Variants in CTNNA3 observed in about 807,000 individuals in gnomAD.
CTNNA3 encodes catenin alpha-3.
CTNNA3 carries 76 observed loss-of-function variants against 95.7 expected under a neutral mutation model. The ratio of observed to expected loss-of-function variants is 0.79; its 90% CI spans 0.66 to 0.96. CTNNA3 has a LOEUF of 0.96. Among genes scored for constraint, CTNNA3 ranks in the 40% least tolerant of loss-of-function variants. CTNNA3 has a pLI of 0.00. For synonymous variants in CTNNA3, 431 were observed against 374.4 expected, an observed-to-expected ratio of 1.15 and a Z score of -1.74; for missense variants, 1,191 against 1,089.8, an observed-to-expected ratio of 1.09 and a Z score of -1.31.
At chr10:67,483,278 A>T (rs1848309228) in intron 5 of CTNNA3, among the ~76,000 whole-genome samples, 1 of 149,358 alleles carries the variant, frequency 6.7e-6, no homozygotes, top group African/African-American at 2.5e-5. Context: ...TATATACCCA[A>T]AGGATTATAA....
intron 7 of CTNNA3, among the ~76,000 whole-genome samples, chr10:66,780,623 A>G (rs901689626): frequency 6.6e-6 from 1 of 152,172 alleles, no homozygotes; most frequent in South Asian, 2.1e-4. Context: ...TTTCATTAGT[A>G]TTTGTCCTAT....
At position 67,361,758 on chromosome 10, in the gene CTNNA3, T is replaced by C. The variant is rs75671862; in HGVS notation, c.580-141888A>G. Among the ~76,000 whole-genome samples, 1,407 of 151,888 alleles carry C rather than the reference T, an allele frequency of 9.3e-3. 67 individuals carry two copies. The East Asian group carries it at 0.15, about 16-fold the overall frequency. On this transcript the variant is annotated intron_variant, in intron 5 of 17. Coordinates refer to ENST00000433211, the MANE Select transcript of CTNNA3 (RefSeq NM_013266.4). ...ACTAATTCAAAGCTAACAGAAAATA[T>C]AAATATCTAAAATCAGAGCAAAACT...
intron 16 of CTNNA3, among the ~76,000 whole-genome samples, chr10:65,971,377 G>C (rs995562422): frequency 3.5e-5 from 3 of 85,552 alleles, no homozygotes; most frequent in Non-Finnish European, 5.1e-5. Context: ...GACCAAAGTT[G>C]TGTTTTTTTT....
At chr10:66,560,282 T>C (rs144571481) in intron 10 of CTNNA3, among the ~76,000 whole-genome samples, 3,470 of 150,216 alleles carry the variant, frequency 0.023, 83 homozygotes, top group East Asian at 0.055. Context: ...GAGCGAATTT[T>C]ATAACTTTTT....
At chr10:67,167,700 A>C (rs1285394790) in intron 7 of CTNNA3, among the ~76,000 whole-genome samples, 1 of 152,242 alleles carries the variant, frequency 6.6e-6, no homozygotes, top group Non-Finnish European at 1.5e-5. Context: ...ATATACAAGT[A>C]TAAAATGCCA....
chr10:67,595,324 G>C (rs1312129669), intron 3 of CTNNA3, among the ~76,000 whole-genome samples: 3 of 152,100 alleles, frequency 2.0e-5, no homozygotes, highest in Non-Finnish European at 4.4e-5. Context: ...AGAGATTCTG[G>C]TACATTGTAT....
At chr10:67,333,121 T>A (rs1841859527) in intron 5 of CTNNA3, among the ~76,000 whole-genome samples, 1 of 152,202 alleles carries the variant, frequency 6.6e-6, no homozygotes. Flanking sequence ...AAATGCAGAT[T>A]CCTAGCATGT....
At chr10:67,601,223 C>G (rs887305193) in intron 3 of CTNNA3, among the ~76,000 whole-genome samples, 2 of 152,054 alleles carry the variant, frequency 1.3e-5, no homozygotes, top group Admixed American at 6.6e-5. Flanking sequence ...ACAGTTGTCC[C>G]CAACCATTTT....
chr10:66,260,081 C>T (rs2090942930), intron 13 of CTNNA3, among the ~76,000 whole-genome samples: 1 of 152,128 alleles, frequency 6.6e-6, no homozygotes, highest in African/African-American at 2.4e-5. Flanking sequence ...TCCCAAAGCA[C>T]AGGATGAGTT....
At chr10:67,616,358 G>A (rs1843656715) in intron 2 of CTNNA3, among the ~76,000 whole-genome samples, 1 of 152,164 alleles carries the variant, frequency 6.6e-6, no homozygotes, top group Admixed American at 6.5e-5. Context: ...AATGCTCTAG[G>A]CAAAACAGAC....
intron 1 of CTNNA3, chr10:67,648,637 T>C (rs576309607): frequency 1.2e-6 from 1 of 823,052 alleles, no homozygotes; most frequent in Admixed American, 3.2e-5. Flanking sequence ...AGTGAAAAGA[T>C]ATTACTTGAG....
At chr10:65,969,145 G>A (rs1259037574) in intron 16 of CTNNA3, among the ~76,000 whole-genome samples, 3 of 152,002 alleles carry the variant, frequency 2.0e-5, no homozygotes, top group African/African-American at 7.3e-5. Context: ...ACAGAAAGGT[G>A]TAGGAGTACA....
chr10:66,098,736 T>C (rs2081498499), intron 14 of CTNNA3: 1 of 152,226 alleles, frequency 6.6e-6, no homozygotes, highest in African/African-American at 2.4e-5. Context: ...CTGTGAAGAA[T>C]GTTCTATGAA....
chr10:66,271,296 G>A (rs1468444214), intron 13 of CTNNA3, among the ~76,000 whole-genome samples: 1 of 152,088 alleles, frequency 6.6e-6, no homozygotes, highest in Non-Finnish European at 1.5e-5. Flanking sequence ...TTTATAAGTT[G>A]TATTCCCATA....
At chr10:67,339,699 T>G (rs1842110868) in intron 5 of CTNNA3, among the ~76,000 whole-genome samples, 1 of 152,178 alleles carries the variant, frequency 6.6e-6, no homozygotes, top group Admixed American at 6.6e-5. Flanking sequence ...ACAAAGTCCA[T>G]GAAAAGAATA....
intron 17 of CTNNA3, among the ~76,000 whole-genome samples, chr10:65,949,580 G>T (rs1166038305): frequency 6.6e-6 from 1 of 152,142 alleles, no homozygotes; most frequent in Non-Finnish European, 1.5e-5. Flanking sequence ...GAAGAAAAAA[G>T]CATGGGGAGG....
chr10:67,272,422 G>A (rs1839018471), intron 5 of CTNNA3, among the ~76,000 whole-genome samples: 1 of 151,984 alleles, frequency 6.6e-6, no homozygotes, highest in South Asian at 2.1e-4. Context: ...GAGTGGTGGT[G>A]CATGCCTGTA....
chr10:67,432,561 C>CACATCACT (rs1846145150), intron 5 of CTNNA3, among the ~76,000 whole-genome samples: 1 of 151,960 alleles, frequency 6.6e-6, no homozygotes, highest in African/African-American at 2.4e-5. Context: ...CCGGTCTTTG[C>CACATCACT]TTCTGTCTTC....
intron 9 of CTNNA3, among the ~76,000 whole-genome samples, chr10:66,736,505 T>G: frequency 6.6e-6 from 1 of 151,920 alleles, no homozygotes; most frequent in East Asian, 1.9e-4. Flanking sequence ...CTAATACAAT[T>G]TTACATTATT....
Sources: allele counts gnomAD v4.1 joint callset (sites outside exome capture counted in the v4.1 genomes callset), GRCh38; gene constraint gnomAD v4.1.1; transcripts MANE v1.5; gene names NCBI Gene and HGNC (gene_info 2026-07-23, HGNC 2026-07-21).